Variants in UGT3A1 observed in about 807,000 individuals in gnomAD.
UGT3A1 encodes the protein UDP-glycosyltransferase 3A1.
UGT3A1 carries 40 observed loss-of-function variants against 37.6 expected under a neutral mutation model. The ratio of observed to expected loss-of-function variants is 1.06; its 90% CI spans 0.83 to 1.38. The LOEUF is 1.38. Ranked by LOEUF, UGT3A1 falls within the 40% of genes most tolerant of loss-of-function variation. The pLI, the probability that UGT3A1 is intolerant of heterozygous loss-of-function variation, is 0.00. For synonymous variants in UGT3A1, 256 were observed against 232.3 expected (o/e 1.10, Z -0.93); for missense variants, 642 against 634.2 (o/e 1.01, Z -0.13).
rs1169549557 is a variant in UGT3A1, at chr5:35,977,000, AAAAG to A, written c.197-8871_197-8868del. On this transcript the variant is annotated intron_variant, in intron 2 of 6. Transcript: ENST00000274278. ...AAAGAGAAGAGAAAGAGAAAGAAAG[AAAAG>A]AAAGAAAGAAAAAGAGAGAGAAAGA... 2.8e-3 allele frequency among the ~76,000 whole-genome samples: 422 copies of A among 149,750 alleles called. 10 individuals carry two copies. Among genetic ancestry groups the A allele is most frequent in the African/African-American group, 0.01 (398 of 39,680 alleles).
At chr5:35,991,053 C>T in intron 1 of UGT3A1, 94 bp downstream of exon 1, 1 of 1,610,672 alleles carries the variant, frequency 6.2e-7, no homozygotes, top group Non-Finnish European at 8.5e-7. Flanking sequence ...GGAAAATCGC[C>T]TGGATAACTC....
chr5:35,955,832 C>T lies in UGT3A1; in HGVS notation c.1108G>A (p.Gly370Ser). ...HPSIRLFVTH[G>S]GQNSVMEAIR... is the part of the protein sequence containing the mutation. ...GCCTCCATTACGCTGTTCTGCCCAC[C>T]ATGAGTGACAAAAAGACGGATGCTG... The change falls in exon 6 of 7, where the codon GGT (glycine) becomes AGT (serine). Residue 370 changes from glycine to serine, a missense_variant. Physicochemically the swap from Gly to Ser is moderately conservative, Grantham distance 56 (BLOSUM62 0). Transcript: ENST00000274278. The T allele has an allele frequency of 6.2e-7, 1 of 1,614,176 alleles. No homozygotes were observed.
intron 2 of UGT3A1, among the ~76,000 whole-genome samples, chr5:35,978,357 G>C (rs552976595): frequency 8.5e-5 from 13 of 152,208 alleles, no homozygotes; most frequent in Admixed American, 8.5e-4. Context: ...TGCTGATAAA[G>C]ATATACCCAA....
intron 1 of UGT3A1, among the ~76,000 whole-genome samples, chr5:35,998,635 T>C (rs927780046): frequency 3.9e-5 from 6 of 152,170 alleles, no homozygotes; most frequent in African/African-American, 1.4e-4. Flanking sequence ...AGACCTACAA[T>C]AGATGCCACT....
intron 4 of UGT3A1, chr5:35,962,506 G>A (rs960469715): frequency 1.4e-4 from 24 of 175,122 alleles, no homozygotes; most frequent in Middle Eastern, 2.8e-3. Flanking sequence ...TCTGCTGGGA[G>A]TGCCTCTGGG....
At chr5:35,961,087 T>C (rs1399259130) in intron 4 of UGT3A1, 1 of 152,270 alleles carries the variant, frequency 6.6e-6, no homozygotes, top group East Asian at 1.9e-4. Flanking sequence ...TGTTCTCAGT[T>C]AGGGCCAGAG....
At chr5:35,991,466 T>A (rs1740950920), upstream of UGT3A1, 2 of 1,369,808 alleles carry the variant, frequency 1.5e-6, no homozygotes, top group Admixed American at 3.0e-5. Flanking sequence ...CCTATCAAAC[T>A]ACCTGAAGTC....
intron 1 of UGT3A1, among the ~76,000 whole-genome samples, chr5:35,999,235 T>TAAAAA (rs1580974499): frequency 1.5e-5 from 1 of 64,832 alleles, no homozygotes; most frequent in African/African-American, 5.8e-5. Flanking sequence ...AGACTCCATC[T>TAAAAA]CAAAAAAAAA....
intron 1 of UGT3A1, among the ~76,000 whole-genome samples, chr5:35,999,854 A>G (rs561304335): frequency 3.7e-4 from 56 of 152,196 alleles, no homozygotes; most frequent in Non-Finnish European, 6.0e-4. Flanking sequence ...AATGGTCTGC[A>G]TGTTTTTCCA....
chr5:35,955,461 A>T, intron 6 of UGT3A1, 184 bp downstream of exon 6: 1 of 675,546 alleles, frequency 1.5e-6, no homozygotes, highest in African/African-American at 1.8e-5. Context: ...AATTCTCAGC[A>T]TCTAACCTAA....
In UGT3A1 at chr5:35,987,330, G is replaced by T. The variant is rs138449343; in HGVS notation, c.196+1120C>A. Among the ~76,000 whole-genome samples the T allele has an allele frequency of 8.4e-3, 1,277 of 152,198 alleles. 17 individuals carry two copies. The highest frequency in any genetic ancestry group is 0.029 in the African/African-American group (1,189 of 41,542). On this transcript the variant is annotated intron_variant, in intron 2 of 6. Transcript: ENST00000274278. ...ACCGCAGAAATGTCCAAAGATTGAGGAATACTGAAAGAAACTCTAGAACAC... is the reference window on the plus strand; with the variant it reads ...ACCGCAGAAATGTCCAAAGATTGAGTAATACTGAAAGAAACTCTAGAACAC...
chr5:35,990,153 G>C (rs894674885), intron 1 of UGT3A1, among the ~76,000 whole-genome samples: 39 of 152,010 alleles, frequency 2.6e-4, no homozygotes, highest in Admixed American at 1.6e-3. Flanking sequence ...GGAAGTTGTG[G>C]TGAGCGTGGT....
At chr5:35,982,179 G>C (rs1048535215) in intron 2 of UGT3A1, among the ~76,000 whole-genome samples, 1 of 152,230 alleles carries the variant, frequency 6.6e-6, no homozygotes, top group Non-Finnish European at 1.5e-5. Flanking sequence ...ACCTCTACTA[G>C]GGCAGTGCAG....
chr5:35,993,906 TAAACAAAC>T (rs112310796), upstream of UGT3A1, among the ~76,000 whole-genome samples: 4 of 70,928 alleles, frequency 5.6e-5, no homozygotes, highest in African/African-American at 1.6e-4. Context: ...ATGCTGTTAT[TAAACAAAC>T]AAACAAACAA....
upstream of UGT3A1, among the ~76,000 whole-genome samples, chr5:35,992,841 G>A (rs1412956089): frequency 6.6e-6 from 1 of 152,064 alleles, no homozygotes; most frequent in Non-Finnish European, 1.5e-5. Context: ...TAAATTTGGG[G>A]ACACAAAACT....
At chr5:35,957,761 G>A (rs1409339779) in intron 4 of UGT3A1, among the ~76,000 whole-genome samples, 1 of 152,182 alleles carries the variant, frequency 6.6e-6, no homozygotes, top group East Asian at 1.9e-4. Flanking sequence ...CTTCTGAAAT[G>A]AATTGAGATT....
intron 2 of UGT3A1, among the ~76,000 whole-genome samples, chr5:35,979,357 A>T (rs1235681839): frequency 6.6e-6 from 1 of 152,210 alleles, no homozygotes; most frequent in Non-Finnish European, 1.5e-5. Context: ...GAATGCTTTT[A>T]AAATCACCCA....
In UGT3A1 at chr5:35,962,617, T is replaced by A. The variant is rs149524731; in HGVS notation, c.843+2769A>T. On this transcript the variant is annotated intron_variant, in intron 4 of 6. Transcript: ENST00000274278. ...CCTACACTGTCAGCAAAGATCTAGA[T>A]TTCCCTGCAAGGTATAAAAAGCCTG... is the stretch of plus-strand genomic sequence containing the variant. The A allele has an allele frequency of 1.4e-5, 6 of 416,404 alleles. No individual in the cohort carries two copies. The East Asian group carries it at 2.2e-4, about 15-fold the overall frequency. 25.8% of individuals were successfully genotyped at this position (416,404 alleles called of 1,614,324 possible).
At chr5:35,974,184 T>C (rs1016108632) in intron 2 of UGT3A1, among the ~76,000 whole-genome samples, 2 of 152,150 alleles carry the variant, frequency 1.3e-5, no homozygotes, top group African/African-American at 4.8e-5. Flanking sequence ...TTTACTAGTG[T>C]GGCTAGGCAT....
Sources: allele counts gnomAD v4.1 joint callset (sites outside exome capture counted in the v4.1 genomes callset), GRCh38; gene constraint gnomAD v4.1.1; transcripts MANE v1.5; gene names NCBI Gene and HGNC (gene_info 2026-07-23, HGNC 2026-07-21).